LUC7L2: variants seen among roughly 807,000 people sequenced by gnomAD.
LUC7L2 encodes the protein LUC7 like 2, pre-mRNA splicing factor.
Under a neutral mutation model 52.8 loss-of-function variants are expected in LUC7L2, and 25 were observed. The ratio of observed to expected loss-of-function variants is 0.47; its 90% CI spans 0.34 to 0.66. The LOEUF (loss-of-function observed/expected upper bound fraction) is 0.66. Among genes scored for constraint, LUC7L2 ranks in the 30% least tolerant of loss-of-function variants. The pLI, the probability that LUC7L2 is intolerant of heterozygous loss-of-function variation, is 0.01. For synonymous variants in LUC7L2, 144 were observed against 160.9 expected (o/e 0.89, Z 0.80); for missense variants, 328 against 497.8 (o/e 0.66, Z 3.25).
At chr7:139,356,025 C>G (rs1435467029), upstream of LUC7L2, among the ~76,000 whole-genome samples, 2 of 152,020 alleles carry the variant, frequency 1.3e-5, no homozygotes, top group Non-Finnish European at 2.9e-5. Context: ...AGAAAATAAC[C>G]ACTGGGCGTG....
intron 8 of LUC7L2, among the ~76,000 whole-genome samples, chr7:139,413,080 C>T (rs1168219833): frequency 1.3e-5 from 2 of 152,106 alleles, no homozygotes; most frequent in Non-Finnish European, 2.9e-5. Flanking sequence ...GTTTATTACC[C>T]ATTCCTTTAT....
chr7:139,412,081 T>G (rs1795382199), intron 7 of LUC7L2, among the ~76,000 whole-genome samples: 2 of 152,082 alleles, frequency 1.3e-5, no homozygotes, highest in Non-Finnish European at 2.9e-5. Flanking sequence ...GCTGAACCAG[T>G]AAATTATAAT....
rs1264382508 is a variant in LUC7L2 at position 139,422,059 on chromosome 7, G to A, written c.1002-104G>A. On this transcript the variant is annotated intron_variant, in intron 9 of 9. Coordinates refer to ENST00000354926, the MANE Select transcript of LUC7L2 (RefSeq NM_016019.5). The stretch of plus-strand genomic sequence containing the variant: ...TGACTCCTCTGTCATGGGTATATTC[G>A]TCTATATATCTTCAGCTATCAAGAG... 3.4e-6 allele frequency: 5 copies of A among 1,452,612 alleles called. No homozygotes were observed. In the African/African-American group the frequency reaches 4.3e-5, roughly 13 times the overall value. The allele number at this position is 1,452,612 out of a possible 1,614,324, so 90.0% of individuals were successfully genotyped here.
At chr7:139,348,605 G>A (rs1465120361) in intron 1 of LUC7L2, among the ~76,000 whole-genome samples, 1 of 151,826 alleles carries the variant, frequency 6.6e-6, no homozygotes, top group South Asian at 2.1e-4. Flanking sequence ...TGTAGTCCCA[G>A]CTACTCTGGA....
intron 1 of LUC7L2, chr7:139,371,566 AG>A (rs950314450): frequency 5.3e-6 from 5 of 942,140 alleles, no homozygotes; most frequent in Admixed American, 4.6e-5. Context: ...TACTGGGGGG[AG>A]GGGGCGGATA....
intron 2 of LUC7L2, among the ~76,000 whole-genome samples, chr7:139,380,312 G>A (rs1427981062): frequency 6.6e-6 from 1 of 151,932 alleles, no homozygotes; most frequent in Non-Finnish European, 1.5e-5. Context: ...AAAAGCTTGC[G>A]GCTAGGCTCA....
chr7:139,385,544 C>T (rs1289721040), intron 2 of LUC7L2, among the ~76,000 whole-genome samples: 2 of 152,032 alleles, frequency 1.3e-5, no homozygotes, highest in Admixed American at 1.3e-4. Context: ...TCTTCTCAAA[C>T]TCCTGGCCTC....
intron 2 of LUC7L2, among the ~76,000 whole-genome samples, chr7:139,389,482 T>C: frequency 6.6e-6 from 1 of 152,174 alleles, no homozygotes; most frequent in Non-Finnish European, 1.5e-5. Flanking sequence ...TATTCTCCTC[T>C]TGAAGCATGT....
intron 1 of LUC7L2, chr7:139,374,325 G>A: frequency 9.6e-7 from 1 of 1,038,672 alleles, no homozygotes; most frequent in Non-Finnish European, 1.5e-6. Context: ...TGTACTTCTA[G>A]ATGCTGTATT....
intron 2 of LUC7L2, among the ~76,000 whole-genome samples, chr7:139,376,793 A>G (rs1800734304): frequency 6.6e-6 from 1 of 152,210 alleles, no homozygotes; most frequent in Non-Finnish European, 1.5e-5. Context: ...GATTACAAGT[A>G]GCTTCCCTTC....
chr7:139,374,112 A>G (rs1237387854), intron 1 of LUC7L2, among the ~76,000 whole-genome samples: 1 of 152,222 alleles, frequency 6.6e-6, no homozygotes, highest in Admixed American at 6.5e-5. Context: ...CAAAGTCTTG[A>G]TGAAACATAC....
chr7:139,395,047 G>T (rs998694362), intron 2 of LUC7L2, among the ~76,000 whole-genome samples: 3 of 152,228 alleles, frequency 2.0e-5, no homozygotes, highest in Non-Finnish European at 4.4e-5. Flanking sequence ...GAGAACCACA[G>T]TGGATCAAAA....
At chr7:139,410,822 A>T (rs1795328983) in intron 7 of LUC7L2, among the ~76,000 whole-genome samples, 3 of 152,194 alleles carry the variant, frequency 2.0e-5, no homozygotes, top group Non-Finnish European at 4.4e-5. Flanking sequence ...CAAGAAGTTT[A>T]AACAGACTTC....
At chr7:139,348,030 T>G (rs1009146981) in intron 1 of LUC7L2, among the ~76,000 whole-genome samples, 9 of 152,092 alleles carry the variant, frequency 5.9e-5, no homozygotes, top group Non-Finnish European at 1.3e-4. Context: ...CTGTTTTATT[T>G]CATGGATGCA....
chr7:139,382,221 T>TAA (rs1292001986), intron 2 of LUC7L2, among the ~76,000 whole-genome samples: 8 of 151,918 alleles, frequency 5.3e-5, no homozygotes, highest in African/African-American at 1.9e-4. Flanking sequence ...GATTGGGTTT[T>TAA]ACCATGTTGC....
At chr7:139,382,356 T>C (rs1801075448) in intron 2 of LUC7L2, among the ~76,000 whole-genome samples, 1 of 151,854 alleles carries the variant, frequency 6.6e-6, no homozygotes, top group South Asian at 2.1e-4. Flanking sequence ...TCAATATTAT[T>C]GGGGACTTTG....
intron 1 of LUC7L2, among the ~76,000 whole-genome samples, chr7:139,370,022 G>A (rs1390923831): frequency 1.3e-5 from 2 of 152,158 alleles, no homozygotes; most frequent in African/African-American, 2.4e-5. Flanking sequence ...GCCATCTTTG[G>A]CATAGTACTC....
chr7:139,371,587 T>G, intron 1 of LUC7L2: 9 of 1,205,672 alleles, frequency 7.5e-6, no homozygotes, highest in Non-Finnish European at 8.1e-6. Context: ...ATTGGGAAGA[T>G]AGCATGCAAA....
intron 7 of LUC7L2, 68 bp downstream of exon 7, chr7:139,409,722 T>G: frequency 3.4e-6 from 5 of 1,463,136 alleles, no homozygotes; most frequent in Non-Finnish European, 4.5e-6. Flanking sequence ...ATAATTGATT[T>G]TAAATTTTAG....
Sources: gnomAD v4.1 joint callset for allele counts (sites outside exome capture counted in the v4.1 genomes callset) on GRCh38, gnomAD v4.1.1 for gene constraint, MANE v1.5 for transcripts, NCBI Gene and HGNC (gene_info 2026-07-23, HGNC 2026-07-21) for gene names.